PLXNA4: variants seen among roughly 807,000 people sequenced by gnomAD.
The protein encoded by PLXNA4 is plexin A4, also known as plexin-A4.
In PLXNA4, 44 loss-of-function variants were observed where a neutral mutation model predicts 191.8. That is an observed-to-expected ratio of 0.23 (90% CI 0.18 to 0.29). The LOEUF is 0.29. Among genes scored for constraint, PLXNA4 ranks in the 10% least tolerant of loss-of-function variants. The pLI is 1.00. For missense variants in PLXNA4, 1,800 were observed against 2,488.8 expected (o/e 0.72, Z 5.89); for synonymous variants, 1,082 against 1,009.5 (o/e 1.07, Z -1.36).
Position 132,359,921 on chromosome 7 carries a change from T to G in PLXNA4, c.1372-61699A>C, listed in dbSNP as rs139342187. 1.9e-4 allele frequency among the ~76,000 whole-genome samples: 29 copies of G among 152,362 alleles called. No homozygotes were observed. In the South Asian group the frequency reaches 6.0e-3, roughly 32 times the overall value. On this transcript the variant is annotated intron_variant, in intron 3 of 31. Coordinates refer to ENST00000321063, the MANE Select transcript of PLXNA4 (RefSeq NM_020911.2). ...GAGCAGTGACCTAATCAAGATGGCA[T>G]AATTGCCTGTCTTATCTAAATGAAA...
At chr7:132,384,717 C>A in intron 3 of PLXNA4, 1 of 1,032,586 alleles carries the variant, frequency 9.7e-7, no homozygotes, top group African/African-American at 1.8e-5. Flanking sequence ...CCTGTGTATG[C>A]ACACACACCT....
intron 9 of PLXNA4, among the ~76,000 whole-genome samples, chr7:132,218,597 T>C (rs1798044160): frequency 6.6e-6 from 1 of 152,228 alleles, no homozygotes; most frequent in African/African-American, 2.4e-5. Context: ...TCAAGCATCA[T>C]CTTTAAGTGT....
At chr7:132,137,095 A>C (rs1289563001) in intron 30 of PLXNA4, among the ~76,000 whole-genome samples, 2 of 152,208 alleles carry the variant, frequency 1.3e-5, no homozygotes, top group African/African-American at 4.8e-5. Context: ...GAATTAATGA[A>C]TATGTTAATG....
chr7:132,525,478 G>T (rs1170101870), intron 1 of PLXNA4, among the ~76,000 whole-genome samples: 2 of 152,078 alleles, frequency 1.3e-5, no homozygotes, highest in African/African-American at 4.8e-5. Context: ...CAAATTCCTG[G>T]ACTCCAACAA....
chr7:132,445,217 C>G (rs897520476), intron 3 of PLXNA4, among the ~76,000 whole-genome samples: 1 of 149,280 alleles, frequency 6.7e-6, no homozygotes, highest in African/African-American at 2.5e-5. Context: ...GCTTAGCCAA[C>G]CACATCCACC....
chr7:132,365,360 T>TGTGTGTGCGCGCGC lies in PLXNA4; in HGVS notation c.1372-67139_1372-67138insGCGCGCGCACACAC. 7.3e-3 allele frequency among the ~76,000 whole-genome samples: 942 copies of TGTGTGTGCGCGCGC among 128,732 alleles called. 17 individuals carry two copies. The highest frequency in any genetic ancestry group is 0.052 in the East Asian group (247 of 4,706). 84.5% of individuals were successfully genotyped at this position (128,732 alleles called of 152,430 possible). On this transcript the variant is annotated intron_variant, in intron 3 of 31. Coordinates refer to ENST00000321063, the MANE Select transcript of PLXNA4 (RefSeq NM_020911.2). ...GTGTGTGTGTGTGTGTGTGTGTGTG[T>TGTGTGTGCGCGCGC]GCGTGCGCGCGCATGCATGGGGCAA...
chr7:132,586,293 A>T (rs774697376), intron 2 of PLXNA4, among the ~76,000 whole-genome samples: 1 of 152,262 alleles, frequency 6.6e-6, no homozygotes, highest in African/African-American at 2.4e-5. Context: ...TAAAAGAAAC[A>T]TATTAAATGT....
chr7:132,397,281 C>T (rs1271782587), intron 3 of PLXNA4, among the ~76,000 whole-genome samples: 4 of 152,192 alleles, frequency 2.6e-5, no homozygotes, highest in African/African-American at 4.8e-5. Flanking sequence ...GCATCAGCAG[C>T]TTCTGTTGCT....
At chr7:132,268,226 A>G (rs1799928588) in intron 4 of PLXNA4, among the ~76,000 whole-genome samples, 1 of 152,164 alleles carries the variant, frequency 6.6e-6, no homozygotes, top group African/African-American at 2.4e-5. Context: ...ACCTGTCATG[A>G]CTGTGCTGGT....
In PLXNA4 at chr7:132,265,542, A is replaced by G. The variant is rs183523940; in HGVS notation, c.1504-24376T>C. On this transcript the variant is annotated intron_variant, in intron 4 of 31. Transcript: ENST00000321063. ...AAGGATCAGGTGGCAGGAGAACAGC[A>G]AGAAGACAGGATTGGGGTCATTTTC... Among the ~76,000 whole-genome samples the G allele has an allele frequency of 2.0e-5, 3 of 152,318 alleles. No homozygotes were observed. In the East Asian group the frequency reaches 5.8e-4, roughly 29 times the overall value.
intron 2 of PLXNA4, among the ~76,000 whole-genome samples, chr7:132,498,560 T>C (rs758887666): frequency 6.6e-6 from 1 of 152,122 alleles, no homozygotes; most frequent in Non-Finnish European, 1.5e-5. Flanking sequence ...TCCCACAACA[T>C]GTGGGACTTC....
chr7:132,552,119 C>T (rs997941595), intron 1 of PLXNA4, among the ~76,000 whole-genome samples: 2 of 152,122 alleles, frequency 1.3e-5, no homozygotes, highest in Non-Finnish European at 2.9e-5. Context: ...TAAGTGCTTG[C>T]TCCGCCTCCT....
upstream of PLXNA4, among the ~76,000 whole-genome samples, chr7:132,582,060 G>A (rs75110664): frequency 2.5e-3 from 374 of 152,306 alleles, 3 homozygotes; most frequent in African/African-American, 8.9e-3. Context: ...CAAGAAAGGA[G>A]AAATACCTCA....
chr7:132,422,286 C>T (rs1231659681), intron 3 of PLXNA4, among the ~76,000 whole-genome samples: 2 of 152,324 alleles, frequency 1.3e-5, no homozygotes, highest in East Asian at 3.9e-4. Flanking sequence ...GATCTCTCAC[C>T]TCAGAGAGCA....
intron 14 of PLXNA4, among the ~76,000 whole-genome samples, chr7:132,189,103 CTAAAGAGA>C (rs1797010002): frequency 7.1e-6 from 1 of 141,034 alleles, no homozygotes; most frequent in Non-Finnish European, 1.5e-5. Flanking sequence ...AGGGATGGTC[CTAAAGAGA>C]CAGAGTTGAA....
intron 1 of PLXNA4, among the ~76,000 whole-genome samples, chr7:132,520,973 C>G (rs893392183): frequency 6.6e-6 from 1 of 152,018 alleles, no homozygotes; most frequent in Non-Finnish European, 1.5e-5. Flanking sequence ...GTCCCTCTAC[C>G]CCCTCTCTTC....
At chr7:132,165,232 C>A (rs765787939) in intron 22 of PLXNA4, 32 bp from the exon 23 acceptor site, 5 of 1,603,768 alleles carry the variant, frequency 3.1e-6, no homozygotes, top group Non-Finnish European at 4.3e-6. Flanking sequence ...ACCAACGGAA[C>A]AAGACAAAGA....
chr7:132,280,387 A>T (rs1165876303), intron 4 of PLXNA4, among the ~76,000 whole-genome samples: 1 of 152,180 alleles, frequency 6.6e-6, no homozygotes, highest in Non-Finnish European at 1.5e-5. Flanking sequence ...AAAATGGGAG[A>T]CATAATGAGA....
intron 3 of PLXNA4, among the ~76,000 whole-genome samples, chr7:132,435,880 G>A (rs552406541): frequency 4.1e-4 from 63 of 152,274 alleles, no homozygotes; most frequent in African/African-American, 1.4e-3. Context: ...CAAAGGCCAG[G>A]GTCAGCAGCC....
Sources: allele counts gnomAD v4.1 joint callset (sites outside exome capture counted in the v4.1 genomes callset), GRCh38; gene constraint gnomAD v4.1.1; transcripts MANE v1.5; gene names NCBI Gene and HGNC (gene_info 2026-07-23, HGNC 2026-07-21).